Variants in CDH20 observed in about 807,000 individuals in gnomAD.
CDH20 encodes cadherin 20.
A neutral mutation model predicts 74.2 loss-of-function variants in CDH20; 29 were observed. That is an observed-to-expected ratio of 0.39 (90% confidence interval 0.29 to 0.53). The LOEUF is 0.53. Among genes scored for constraint, CDH20 ranks in the 20% least tolerant of loss-of-function variants. The pLI, the probability that CDH20 is intolerant of heterozygous loss-of-function variation, is 0.69. For synonymous variants in CDH20, 469 were observed against 405.4 expected, an observed-to-expected ratio of 1.16 and a Z score of -1.88; for missense variants, 988 against 1,048.3, an observed-to-expected ratio of 0.94 and a Z score of 0.79.
chr18:61,363,921 G>GA (rs2144140231), intron 1 of CDH20, among the ~76,000 whole-genome samples: 1 of 152,170 alleles, frequency 6.6e-6, no homozygotes, highest in South Asian at 2.1e-4. Flanking sequence ...TTTTACAAAA[G>GA]AATAGAGAGA....
At chr18:61,508,283 G>A (rs558556244) in intron 6 of CDH20, among the ~76,000 whole-genome samples, 4 of 152,232 alleles carry the variant, frequency 2.6e-5, no homozygotes, top group Middle Eastern at 3.4e-3. Flanking sequence ...TATTGTTACA[G>A]GCATTTAATA....
At position 61,554,822 on chromosome 18, in the gene CDH20, A is replaced by G. The variant is rs1913576018; in HGVS notation, c.*127A>G. On this transcript the variant is annotated 3_prime_UTR_variant, in exon 12 of 12. Transcript: ENST00000262717. ...TGAGAATGGGGGTGAGCAGGCGAAC[A>G]GAGCTCTCTCTGGATCAGCTTTACT... 7.0e-7 allele frequency: 1 copy of G among 1,430,556 alleles called. No homozygotes were observed. 88.6% of individuals were successfully genotyped at this position (1,430,556 alleles called of 1,614,324 possible). A position where few individuals can be genotyped will look rare whatever the true frequency, so the allele number is the denominator to read the frequency against.
At chr18:61,449,147 C>T (rs1262124179) in intron 1 of CDH20, among the ~76,000 whole-genome samples, 2 of 152,196 alleles carry the variant, frequency 1.3e-5, no homozygotes, top group East Asian at 3.8e-4. Flanking sequence ...ACCTTTACCA[C>T]TCAAACCTAT....
At chr18:61,505,599 G>T (rs1427840400) in intron 5 of CDH20, among the ~76,000 whole-genome samples, 1 of 152,094 alleles carries the variant, frequency 6.6e-6, no homozygotes, top group Non-Finnish European at 1.5e-5. Context: ...GGCTCCCAAG[G>T]TGCTGATATT....
chr18:61,390,634 A>G (rs1370686907), intron 1 of CDH20, among the ~76,000 whole-genome samples: 1 of 152,218 alleles, frequency 6.6e-6, no homozygotes, highest in African/African-American at 2.4e-5. Flanking sequence ...ACAGGGGATG[A>G]GAGATCAAAA....
chr18:61,347,692 G>T (rs188124134), intron 1 of CDH20, among the ~76,000 whole-genome samples: 3 of 152,240 alleles, frequency 2.0e-5, no homozygotes, highest in Non-Finnish European at 2.9e-5. Flanking sequence ...TATAATTAAG[G>T]ATGTGTTGTC....
chr18:61,555,606 T>C lies in CDH20; in HGVS notation c.*911T>C. ...GTGTGAGGTCAATCCAAGGGATGTT[T>C]ACATACTGTAGATAACCTACTTGAA... On this transcript the variant is annotated 3_prime_UTR_variant, in exon 12 of 12. Transcript: ENST00000262717. 3 of 984,998 alleles carry C rather than the reference T, an allele frequency of 3.0e-6. No individual in the cohort carries two copies. The highest frequency in any genetic ancestry group is 3.6e-6 in the Non-Finnish European group (3 of 829,518). 61.0% of individuals were successfully genotyped at this position (984,998 alleles called of 1,614,324 possible).
At chr18:61,420,323 C>T (rs1912830867) in intron 1 of CDH20, among the ~76,000 whole-genome samples, 1 of 150,456 alleles carries the variant, frequency 6.6e-6, no homozygotes, top group Non-Finnish European at 1.5e-5. Flanking sequence ...TCAGTAGGAG[C>T]ACAACAACAT....
intron 1 of CDH20, among the ~76,000 whole-genome samples, chr18:61,473,640 C>T (rs1274966479): frequency 6.6e-6 from 1 of 152,164 alleles, no homozygotes; most frequent in Admixed American, 6.5e-5. Context: ...GCAGTTTCCA[C>T]TAGAAACATT....
intron 1 of CDH20, among the ~76,000 whole-genome samples, chr18:61,380,974 A>G (rs940694939): frequency 6.6e-6 from 1 of 152,206 alleles, no homozygotes; most frequent in African/African-American, 2.4e-5. Flanking sequence ...GTGATGAACA[A>G]TGTGTTTACT....
intron 10 of CDH20, among the ~76,000 whole-genome samples, chr18:61,546,239 C>A (rs924204165): frequency 2.6e-5 from 4 of 152,144 alleles, no homozygotes; most frequent in African/African-American, 4.8e-5. Flanking sequence ...AGGTTAGGCA[C>A]GCCTGGTTTT....
intron 1 of CDH20, among the ~76,000 whole-genome samples, chr18:61,425,177 G>A (rs1362711779): frequency 6.6e-6 from 1 of 152,048 alleles, no homozygotes; most frequent in Non-Finnish European, 1.5e-5. Context: ...CCTGAGGTAT[G>A]TTGAGGGGAA....
intron 1 of CDH20, among the ~76,000 whole-genome samples, chr18:61,483,841 A>C (rs1910670989): frequency 6.6e-6 from 1 of 152,366 alleles, no homozygotes; most frequent in Admixed American, 6.5e-5. Context: ...ACAGAGACAT[A>C]AAGAGATGAA....
intron 2 of CDH20, among the ~76,000 whole-genome samples, chr18:61,492,509 C>T (rs946464346): frequency 3.4e-4 from 52 of 152,206 alleles, no homozygotes; most frequent in African/African-American, 1.2e-3. Flanking sequence ...CAGACACCTC[C>T]CCACAGCTAA....
intron 1 of CDH20, among the ~76,000 whole-genome samples, chr18:61,385,354 A>T (rs1911559572): frequency 6.6e-6 from 1 of 152,130 alleles, no homozygotes; most frequent in South Asian, 2.1e-4. Context: ...TATAGATTAA[A>T]ATACAAATAA....
At chr18:61,548,731 T>C (rs1913335053) in intron 10 of CDH20, among the ~76,000 whole-genome samples, 1 of 152,244 alleles carries the variant, frequency 6.6e-6, no homozygotes, top group South Asian at 2.1e-4. Flanking sequence ...CCTGTGGTTC[T>C]TTCTCAGTAA....
chr18:61,472,659 G>C (rs529800378), intron 1 of CDH20, among the ~76,000 whole-genome samples: 1 of 152,344 alleles, frequency 6.6e-6, no homozygotes, highest in East Asian at 1.9e-4. Context: ...CTTGGGAAAT[G>C]AATGTGTCAA....
chr18:61,545,113 C>T lies in CDH20; in HGVS notation c.1617C>T (p.Asn539=), dbSNP rs1451756786. 1 of 1,613,306 alleles carries T rather than the reference C, an allele frequency of 6.2e-7. No individual in the cohort carries two copies. The highest frequency in any genetic ancestry group is 8.5e-7 in the Non-Finnish European group (1 of 1,179,420). Residue 539 remains asparagine (N), a synonymous_variant, in exon 10 of 12, where the codon AAC becomes AAT. Coordinates refer to ENST00000262717, the MANE Select transcript of CDH20 (RefSeq NM_031891.4). ...ACAGCTTGGCTCCTGAGGCTGCTAA[C>T]AACCCCAACTTTACCATAAGGGACA... ...FYYSLAPEAA[N]NPNFTIRDNQ...
intron 1 of CDH20, among the ~76,000 whole-genome samples, chr18:61,414,620 T>G (rs1912625143): frequency 6.6e-6 from 1 of 152,082 alleles, no homozygotes; most frequent in Admixed American, 6.6e-5. Flanking sequence ...AATATCCATA[T>G]AGTATAGTAA....
Sources: allele counts gnomAD v4.1 joint callset (sites outside exome capture counted in the v4.1 genomes callset), GRCh38; gene constraint gnomAD v4.1.1; transcripts MANE v1.5; gene names NCBI Gene and HGNC (gene_info 2026-07-23, HGNC 2026-07-21).